COL25A1: variants seen among roughly 807,000 people sequenced by gnomAD.
COL25A1 encodes the protein collagen type XXV alpha 1 chain.
COL25A1 carries 103 observed loss-of-function variants against 128.4 expected under a neutral mutation model. The ratio of observed to expected loss-of-function variants is 0.80; its 90% confidence interval spans 0.68 to 0.94. The LOEUF (loss-of-function observed/expected upper bound fraction) is 0.94. Among genes scored for constraint, COL25A1 ranks in the 40% least tolerant of loss-of-function variants. The pLI is 0.00. For synonymous variants in COL25A1, 279 were observed against 277.2 expected (o/e 1.01, Z -0.06); for missense variants, 745 against 840.0 (o/e 0.89, Z 1.40).
At chr4:109,179,810 T>A (rs887325725) in intron 3 of COL25A1, among the ~76,000 whole-genome samples, 2 of 152,220 alleles carry the variant, frequency 1.3e-5, no homozygotes, top group African/African-American at 2.4e-5. Flanking sequence ...TCTGTGTATG[T>A]TTCTTGTTAT....
intron 3 of COL25A1, among the ~76,000 whole-genome samples, chr4:109,213,710 C>T (rs867717366): frequency 4.6e-5 from 7 of 152,254 alleles, no homozygotes; most frequent in Middle Eastern, 3.4e-3. Flanking sequence ...GGTTTGTAAA[C>T]AAATTAATGA....
At chr4:109,119,259 G>C (rs1053504435) in intron 3 of COL25A1, among the ~76,000 whole-genome samples, 2 of 151,720 alleles carry the variant, frequency 1.3e-5, no homozygotes, top group Non-Finnish European at 2.9e-5. Context: ...TAGAAAAGAA[G>C]AAATATCTAA....
At chr4:109,211,290 C>CTATATATATATATA (rs753994624) in intron 3 of COL25A1, among the ~76,000 whole-genome samples, 3 of 102,528 alleles carry the variant, frequency 2.9e-5, no homozygotes, top group Admixed American at 1.0e-4. Flanking sequence ...ATATATGAAA[C>CTATATATATATATA]TATATATATA....
intron 5 of COL25A1, among the ~76,000 whole-genome samples, chr4:109,018,170 T>C (rs1488259986): frequency 1.3e-5 from 2 of 152,138 alleles, no homozygotes; most frequent in African/African-American, 4.8e-5. Flanking sequence ...CAGGAGGTCT[T>C]GAGGGCCAAT....
chr4:109,071,203 T>C (rs920660743), intron 3 of COL25A1, among the ~76,000 whole-genome samples: 19 of 152,182 alleles, frequency 1.2e-4, no homozygotes, highest in Non-Finnish European at 1.0e-4. Flanking sequence ...GGGAAAGGAT[T>C]CCCTATTTAA....
intron 3 of COL25A1, among the ~76,000 whole-genome samples, chr4:109,151,900 C>T (rs2126103202): frequency 6.6e-6 from 1 of 152,256 alleles, no homozygotes; most frequent in Non-Finnish European, 1.5e-5. Context: ...GTATACATTA[C>T]AATGAATCGT....
At chr4:109,115,177 G>GA (rs765376989) in intron 3 of COL25A1, among the ~76,000 whole-genome samples, 5 of 152,010 alleles carry the variant, frequency 3.3e-5, no homozygotes, top group Non-Finnish European at 7.4e-5. Flanking sequence ...AACAGCAGCT[G>GA]AAAAAAATAA....
intron 6 of COL25A1, among the ~76,000 whole-genome samples, chr4:108,982,939 A>G (rs1240220591): frequency 6.6e-6 from 1 of 152,246 alleles, no homozygotes; most frequent in Non-Finnish European, 1.5e-5. Context: ...ACTAAAGAAC[A>G]TTTAGAAAAA....
At chr4:109,238,751 C>A (rs1779634166) in intron 3 of COL25A1, among the ~76,000 whole-genome samples, 1 of 152,006 alleles carries the variant, frequency 6.6e-6, no homozygotes, top group Admixed American at 6.6e-5. Flanking sequence ...CCTTGTTTTC[C>A]CCATTCCTAG....
intron 6 of COL25A1, among the ~76,000 whole-genome samples, chr4:109,006,255 C>T (rs1261489955): frequency 1.3e-5 from 2 of 151,864 alleles, no homozygotes; most frequent in Admixed American, 1.3e-4. Flanking sequence ...ACTCTGTTGC[C>T]CAGGCTGGAG....
chr4:109,206,947 G>T (rs1272716872), intron 3 of COL25A1, among the ~76,000 whole-genome samples: 1 of 152,128 alleles, frequency 6.6e-6, no homozygotes, highest in Non-Finnish European at 1.5e-5. Context: ...CTTTTAGTTG[G>T]CATTCCTTCA....
chr4:109,123,566 A>T (rs1768304629), intron 3 of COL25A1, among the ~76,000 whole-genome samples: 1 of 124,788 alleles, frequency 8.0e-6, no homozygotes, highest in Middle Eastern at 4.0e-3. Context: ...ACAAACCATA[A>T]AGTAAACTGA....
At position 108,940,560 on chromosome 4, in the gene COL25A1, G is replaced by A. The variant is rs750790886; in HGVS notation, c.651C>T (p.Pro217=). 130 of 1,613,850 alleles carry A rather than the reference G, an allele frequency of 8.1e-5. 1 individual carries two copies. The South Asian group carries it at 1.4e-3, about 17-fold the overall frequency. ...TCACGGGTACTCCTGGCATTCCACG[G>A]GGGCCATCTTTCCCTGTGTCCCCAG... ...GPPGDTGKDG[P]RGMPGVPGEP... The change falls in exon 10 of 38, where the codon CCC becomes CCT. Residue 217 remains proline, a synonymous_variant. Coordinates refer to ENST00000399132, the MANE Select transcript of COL25A1 (RefSeq NM_198721.4).
At chr4:108,931,060 T>C (rs1374711415) in intron 11 of COL25A1, among the ~76,000 whole-genome samples, 2 of 152,200 alleles carry the variant, frequency 1.3e-5, no homozygotes, top group Admixed American at 1.3e-4. Context: ...TAGAATAAGC[T>C]GGATTCTACA....
chr4:108,945,395 C>A (rs968265557), intron 8 of COL25A1, among the ~76,000 whole-genome samples: 2 of 152,150 alleles, frequency 1.3e-5, no homozygotes, highest in Admixed American at 6.5e-5. Flanking sequence ...GGTGTTGACA[C>A]CTTATGGCTT....
At chr4:109,265,816 GC>G (rs1191781801) in intron 3 of COL25A1, among the ~76,000 whole-genome samples, 1 of 152,024 alleles carries the variant, frequency 6.6e-6, no homozygotes, top group Non-Finnish European at 1.5e-5. Context: ...ACTCAGAAAA[GC>G]AACCTAACAA....
chr4:109,184,721 T>C (rs892144099), intron 3 of COL25A1, among the ~76,000 whole-genome samples: 18 of 152,148 alleles, frequency 1.2e-4, no homozygotes, highest in Non-Finnish European at 4.4e-5. Context: ...CATTCTGGAA[T>C]CACATAATTT....
At chr4:108,848,054 C>T (rs1295746214) in intron 27 of COL25A1, among the ~76,000 whole-genome samples, 2 of 151,988 alleles carry the variant, frequency 1.3e-5, no homozygotes, top group African/African-American at 4.8e-5. Context: ...GAGCAGGGGT[C>T]GCCAAACCAT....
chr4:109,129,040 A>G (rs975614387), intron 3 of COL25A1, among the ~76,000 whole-genome samples: 2 of 152,194 alleles, frequency 1.3e-5, no homozygotes, highest in African/African-American at 4.8e-5. Flanking sequence ...GCATTTTATG[A>G]AAGCTCTTCA....
Sources: gnomAD v4.1 joint callset for allele counts (sites outside exome capture counted in the v4.1 genomes callset) on GRCh38, gnomAD v4.1.1 for gene constraint, MANE v1.5 for transcripts, NCBI Gene and HGNC (gene_info 2026-07-23, HGNC 2026-07-21) for gene names.